The following RBMS3 variants were observed in gnomAD, a reference collection of about 807,000 sequenced individuals.
RBMS3 encodes the protein RNA binding motif single stranded interacting protein 3.
A neutral mutation model predicts 66.8 loss-of-function variants in RBMS3; 27 were observed. That is an observed-to-expected ratio of 0.40 (90% confidence interval 0.30 to 0.56). The LOEUF (loss-of-function observed/expected upper bound fraction) is 0.56, where lower values mean the gene tolerates loss of function less well. Among genes scored for constraint, RBMS3 ranks in the 20% least tolerant of loss-of-function variants. The pLI, the probability that RBMS3 is intolerant of heterozygous loss-of-function variation, is 0.40. For synonymous variants in RBMS3, 188 were observed against 183.0 expected (o/e 1.03, Z -0.22); for missense variants, 513 against 549.5 (o/e 0.93, Z 0.66).
chr3:29,448,767 T>G (rs2041920610), intron 2 of RBMS3, among the ~76,000 whole-genome samples: 1 of 152,198 alleles, frequency 6.6e-6, no homozygotes, highest in African/African-American at 2.4e-5. Flanking sequence ...GTTACAAGTA[T>G]TATTTCATTT....
At chr3:29,498,495 A>C (rs2043845935) in intron 3 of RBMS3, among the ~76,000 whole-genome samples, 1 of 152,184 alleles carries the variant, frequency 6.6e-6, no homozygotes, top group African/African-American at 2.4e-5. Flanking sequence ...CAGTTCACTA[A>C]AATTTATGTA....
Position 30,007,656 on chromosome 3 carries a change from G to A in RBMS3, c.*3794G>A, listed in dbSNP as rs1291819567. ...GCCCAAGTGAACTGAAGGTCATACT[G>A]GCAGGTGCTGATGACAGTTTGTCCT... On this transcript the variant is annotated 3_prime_UTR_variant, in exon 15 of 15. Transcript: ENST00000383767. The A allele has an allele frequency of 2.0e-5, 3 of 152,056 alleles. No homozygotes were observed. The highest frequency in any genetic ancestry group is 6.6e-5 in the Admixed American group (1 of 15,240). The allele number at this position is 152,056 out of a possible 1,614,324, so 9.4% of individuals were successfully genotyped here.
At chr3:29,739,959 A>C in intron 5 of RBMS3, 82 bp downstream of exon 5, 1 of 1,123,078 alleles carries the variant, frequency 8.9e-7, no homozygotes, top group Non-Finnish European at 1.2e-6. Context: ...CTAGAGCCCA[A>C]AGCAATAGAA....
intron 4 of RBMS3, among the ~76,000 whole-genome samples, chr3:29,666,740 A>G (rs2050778493): frequency 6.6e-6 from 1 of 152,210 alleles, no homozygotes; most frequent in Non-Finnish European, 1.5e-5. Flanking sequence ...AGGAAAAGCT[A>G]TATGAATCTG....
chr3:29,807,385 C>G (rs1372954145), intron 6 of RBMS3, among the ~76,000 whole-genome samples: 1 of 151,850 alleles, frequency 6.6e-6, no homozygotes, highest in Admixed American at 6.6e-5. Context: ...ACTGCCAAGA[C>G]AGAACATCTT....
intron 1 of RBMS3, among the ~76,000 whole-genome samples, chr3:29,373,190 T>C (rs1344717463): frequency 2.0e-5 from 3 of 152,202 alleles, no homozygotes; most frequent in Non-Finnish European, 4.4e-5. Flanking sequence ...GTGTTAATCT[T>C]GAATTCCTTC....
intron 6 of RBMS3, among the ~76,000 whole-genome samples, chr3:29,836,179 C>T (rs904075215): frequency 6.6e-6 from 1 of 151,920 alleles, no homozygotes; most frequent in Non-Finnish European, 1.5e-5. Flanking sequence ...TGAATTATAT[C>T]AAACATTTCA....
intron 4 of RBMS3, among the ~76,000 whole-genome samples, chr3:29,601,360 T>C (rs573452099): frequency 2.6e-5 from 4 of 152,032 alleles, no homozygotes; most frequent in East Asian, 1.9e-4. Context: ...AATTATGAAA[T>C]TGGGGGGCCC....
intron 1 of RBMS3, among the ~76,000 whole-genome samples, chr3:29,433,403 A>G (rs991179337): frequency 1.3e-5 from 2 of 152,322 alleles, no homozygotes; most frequent in African/African-American, 4.8e-5. Flanking sequence ...TGGGGTCACA[A>G]CTGAGAAAAT....
At chr3:29,900,903 A>G (rs568144130) in intron 10 of RBMS3, among the ~76,000 whole-genome samples, 1 of 151,940 alleles carries the variant, frequency 6.6e-6, no homozygotes, top group South Asian at 2.1e-4. Flanking sequence ...AAATACGCAG[A>G]CATCCATTTC....
Position 29,756,242 on chromosome 3 carries a change from C to T in RBMS3, c.558-6668C>T, listed in dbSNP as rs549921536. ...GTCCTACAATTTAACTCAGTTTTGA[C>T]ACAAACTACCTGATCATCATGAGAC... On this transcript the variant is annotated intron_variant, in intron 5 of 14. Coordinates refer to ENST00000383767, the MANE Select transcript of RBMS3 (RefSeq NM_001003793.3). Among the ~76,000 whole-genome samples the T allele has an allele frequency of 8.1e-4, 124 of 152,240 alleles. 1 individual carries two copies. Among genetic ancestry groups the T allele is most frequent in the African/African-American group, 2.9e-3 (120 of 41,528 alleles).
At chr3:29,850,664 A>T (rs1437503109) in intron 6 of RBMS3, among the ~76,000 whole-genome samples, 1 of 152,200 alleles carries the variant, frequency 6.6e-6, no homozygotes, top group Admixed American at 6.5e-5. Flanking sequence ...CCTCTTTTAA[A>T]TATGAAAACA....
At chr3:29,354,672 C>T (rs770330336) in intron 1 of RBMS3, among the ~76,000 whole-genome samples, 23 of 152,130 alleles carry the variant, frequency 1.5e-4, no homozygotes, top group Non-Finnish European at 2.6e-4. Flanking sequence ...ATATATGATA[C>T]TACTACTAAA....
chr3:29,786,522 G>T (rs1274282653), intron 6 of RBMS3, among the ~76,000 whole-genome samples: 1 of 152,058 alleles, frequency 6.6e-6, no homozygotes, highest in African/African-American at 2.4e-5. Context: ...ACAGAATGGA[G>T]AACCCAGAAA....
chr3:29,405,264 C>T (rs987713276), intron 1 of RBMS3, among the ~76,000 whole-genome samples: 10 of 152,130 alleles, frequency 6.6e-5, no homozygotes, highest in African/African-American at 2.4e-4. Context: ...GAAGACAGAT[C>T]CTGCATATCG....
At chr3:29,707,154 G>A (rs1453621524) in intron 4 of RBMS3, among the ~76,000 whole-genome samples, 1 of 152,074 alleles carries the variant, frequency 6.6e-6, no homozygotes, top group African/African-American at 2.4e-5. Flanking sequence ...TTTCACATCT[G>A]GAAAATGTTC....
intron 4 of RBMS3, among the ~76,000 whole-genome samples, chr3:29,676,149 A>G (rs2051239032): frequency 6.6e-6 from 1 of 152,212 alleles, no homozygotes. Flanking sequence ...GCTGGAAACC[A>G]TCATTCTCAG....
intron 3 of RBMS3, among the ~76,000 whole-genome samples, chr3:29,551,779 G>C (rs1448987737): frequency 6.6e-6 from 1 of 152,154 alleles, no homozygotes; most frequent in Non-Finnish European, 1.5e-5. Context: ...GAAACATTCA[G>C]TGTACCAACA....
chr3:29,893,135 G>A (rs770616183), intron 8 of RBMS3, among the ~76,000 whole-genome samples: 2 of 151,312 alleles, frequency 1.3e-5, no homozygotes, highest in African/African-American at 4.8e-5. Context: ...AGATCAAGAC[G>A]GTATGCCGAT....
Sources: allele counts gnomAD v4.1 joint callset (sites outside exome capture counted in the v4.1 genomes callset), GRCh38; gene constraint gnomAD v4.1.1; transcripts MANE v1.5; gene names NCBI Gene and HGNC (gene_info 2026-07-23, HGNC 2026-07-21).